MGST1: variants seen among roughly 807,000 people sequenced by gnomAD.
MGST1 encodes the protein glutathione S-transferase 12.
Under a neutral mutation model 8.9 loss-of-function variants are expected in MGST1, and 5 were observed. That is an observed-to-expected ratio of 0.56 (90% confidence interval 0.29 to 1.19). MGST1 has a LOEUF of 1.19. Ranked by LOEUF, MGST1 falls within the 50% of genes most tolerant of loss-of-function variation. The pLI, the probability that MGST1 is intolerant of heterozygous loss-of-function variation, is 0.08. For missense variants in MGST1, 182 were observed against 187.4 expected, an observed-to-expected ratio of 0.97 and a Z score of 0.17; for synonymous variants, 54 against 67.8, an observed-to-expected ratio of 0.80 and a Z score of 1.00.
intron 4 of MGST1, among the ~76,000 whole-genome samples, chr12:16,454,209 G>T (rs964627974): frequency 1.5e-4 from 23 of 151,868 alleles, no homozygotes; most frequent in Admixed American, 1.2e-3. Flanking sequence ...TCAACTTACT[G>T]ATAATAGAAT....
chr12:16,590,344 A>G (rs1432340093), downstream of MGST1, among the ~76,000 whole-genome samples: 2 of 152,086 alleles, frequency 1.3e-5, no homozygotes, highest in African/African-American at 4.8e-5. Context: ...GTAATTCACG[A>G]AATTGTTTTA....
chr12:16,487,097 G>T (rs1319181884), intron 4 of MGST1, among the ~76,000 whole-genome samples: 1 of 152,128 alleles, frequency 6.6e-6, no homozygotes, highest in Non-Finnish European at 1.5e-5. Context: ...TGCTGCTCTA[G>T]AATCCATTAG....
In MGST1 at chr12:16,351,419, G is replaced by A. The variant is rs536638101; in HGVS notation, c.-22-2812G>A. Among the ~76,000 whole-genome samples, 5 of 152,248 alleles carry A rather than the reference G, an allele frequency of 3.3e-5. No individual in the cohort carries two copies. In the East Asian group the frequency reaches 5.8e-4, roughly 18 times the overall value. ...GCTTTCAAGACTAGAGACTTATGGAGGTTGATTAATTTGCTATCTAGGGGA... is the reference window on the plus strand; with the variant it reads ...GCTTTCAAGACTAGAGACTTATGGAAGTTGATTAATTTGCTATCTAGGGGA... On this transcript the variant is annotated intron_variant, in intron 1 of 3. Transcript: ENST00000396210.
At chr12:16,460,851 T>C (rs1399180627) in intron 4 of MGST1, among the ~76,000 whole-genome samples, 2 of 152,100 alleles carry the variant, frequency 1.3e-5, no homozygotes, top group Admixed American at 1.3e-4. Context: ...AACAAAATAC[T>C]CTTAAATGGT....
chr12:16,414,197 C>A (rs1419861339), intron 1 of MGST1, among the ~76,000 whole-genome samples: 1 of 151,752 alleles, frequency 6.6e-6, no homozygotes, highest in Non-Finnish European at 1.5e-5. Context: ...TTTCTAGCTA[C>A]TAGCTTTTAT....
intron 4 of MGST1, among the ~76,000 whole-genome samples, chr12:16,465,539 C>A (rs1179405196): frequency 6.6e-6 from 1 of 152,068 alleles, no homozygotes; most frequent in African/African-American, 2.4e-5. Context: ...CTCATAGGAG[C>A]CGAACCCTAT....
chr12:16,481,511 G>T (rs2137145345), intron 4 of MGST1, among the ~76,000 whole-genome samples: 1 of 152,204 alleles, frequency 6.6e-6, no homozygotes, highest in Non-Finnish European at 1.5e-5. Flanking sequence ...AAAAGAAAAA[G>T]ATGTGTAAGA....
At chr12:16,360,798 G>A (rs898871778) in intron 3 of MGST1, among the ~76,000 whole-genome samples, 2 of 152,138 alleles carry the variant, frequency 1.3e-5, no homozygotes, top group African/African-American at 4.8e-5. Flanking sequence ...ACTTGCTGGG[G>A]ACTCTGTCAT....
At chr12:16,538,608 C>CTTTTTTTTTTTT (rs35801123) in intron 4 of MGST1, among the ~76,000 whole-genome samples, 1 of 128,242 alleles carries the variant, frequency 7.8e-6, no homozygotes, top group African/African-American at 3.1e-5. Flanking sequence ...AAAGGCACTT[C>CTTTTTTTTTTTT]TTTTTTTTTT....
chr12:16,530,223 A>G (rs1051779280), intron 4 of MGST1, among the ~76,000 whole-genome samples: 8 of 152,158 alleles, frequency 5.3e-5, no homozygotes, highest in African/African-American at 1.9e-4. Flanking sequence ...CACATATTCA[A>G]AGTTTAATTA....
chr12:16,536,976 C>T (rs779117429), intron 4 of MGST1, among the ~76,000 whole-genome samples: 2 of 152,134 alleles, frequency 1.3e-5, no homozygotes, highest in South Asian at 2.1e-4. Flanking sequence ...TCCCAACAGT[C>T]CCCCAAAGGC....
At chr12:16,375,985 A>G in intron 3 of MGST1, 1 of 469,296 alleles carries the variant, frequency 2.1e-6, no homozygotes. Flanking sequence ...CATAAGATAT[A>G]TACACACACA....
At chr12:16,496,425 G>A (rs540197289) in intron 4 of MGST1, among the ~76,000 whole-genome samples, 5 of 152,092 alleles carry the variant, frequency 3.3e-5, no homozygotes, top group Non-Finnish European at 5.9e-5. Context: ...ATAACACAAT[G>A]TCATTTAAAA....
At chr12:16,423,821 T>G (rs1175336222) in intron 1 of MGST1, among the ~76,000 whole-genome samples, 1 of 152,166 alleles carries the variant, frequency 6.6e-6, no homozygotes, top group Non-Finnish European at 1.5e-5. Context: ...CACAGAAAGT[T>G]GTCATTCCCC....
intron 4 of MGST1, among the ~76,000 whole-genome samples, chr12:16,579,332 A>G (rs1407028193): frequency 6.6e-6 from 1 of 152,244 alleles, no homozygotes; most frequent in Non-Finnish European, 1.5e-5. Context: ...GTGTTTCACA[A>G]GGAGGTCTTT....
chr12:16,464,501 G>A (rs1410634367), intron 4 of MGST1, among the ~76,000 whole-genome samples: 1 of 152,198 alleles, frequency 6.6e-6, no homozygotes, highest in Non-Finnish European at 1.5e-5. Context: ...GCCATGGGCT[G>A]TGTGTGTTTC....
intron 4 of MGST1, among the ~76,000 whole-genome samples, chr12:16,561,465 G>T (rs759672414): frequency 2.0e-5 from 3 of 151,920 alleles, no homozygotes; most frequent in South Asian, 2.1e-4. Context: ...CCAGTGTCAG[G>T]CTGACAGGAG....
At chr12:16,510,571 C>G (rs2137178506) in intron 4 of MGST1, among the ~76,000 whole-genome samples, 1 of 152,254 alleles carries the variant, frequency 6.6e-6, no homozygotes, top group Middle Eastern at 3.4e-3. Context: ...CCTTGGTTTT[C>G]CATTTTGAAT....
chr12:16,481,482 A>G (rs1321556528), intron 4 of MGST1, among the ~76,000 whole-genome samples: 2 of 152,238 alleles, frequency 1.3e-5, no homozygotes, highest in African/African-American at 2.4e-5. Context: ...AGGATCCTCA[A>G]TGATCTTTAG....
Sources: gnomAD v4.1 joint callset for allele counts (sites outside exome capture counted in the v4.1 genomes callset) on GRCh38, gnomAD v4.1.1 for gene constraint, MANE v1.5 for transcripts, NCBI Gene and HGNC (gene_info 2026-07-23, HGNC 2026-07-21) for gene names.